NUP214: variants seen among roughly 807,000 people sequenced by gnomAD.
NUP214 encodes nucleoporin 214, also known as nuclear pore complex protein Nup214.
A neutral mutation model predicts 196.2 loss-of-function variants in NUP214; 79 were observed. That is an observed-to-expected ratio of 0.40 (90% CI 0.34 to 0.49). The LOEUF (loss-of-function observed/expected upper bound fraction) is 0.49. NUP214 is among the 20% of genes least tolerant of loss of function. NUP214 has a pLI of 0.58. For synonymous variants in NUP214, 1,020 were observed against 990.5 expected (o/e 1.03, Z -0.56); for missense variants, 2,468 against 2,539.0 (o/e 0.97, Z 0.60).
At chr9:131,187,449 C>CA in intron 25 of NUP214, 85 bp downstream of exon 25, 1 of 1,012,274 alleles carries the variant, frequency 9.9e-7, no homozygotes, top group Non-Finnish European at 1.4e-6. Flanking sequence ...TGCAGTGGTG[C>CA]GATCTTGGCT....
Position 131,128,314 on chromosome 9 carries a change from A to G in NUP214, c.242-18A>G. The G allele has an allele frequency of 3.1e-6, 5 of 1,601,796 alleles. No individual in the cohort carries two copies. The highest frequency in any genetic ancestry group is 4.3e-6 in the Non-Finnish European group (5 of 1,172,208). On this transcript the variant is annotated intron_variant, in intron 2 of 35. Coordinates refer to ENST00000359428, the MANE Select transcript of NUP214 (RefSeq NM_005085.4). ...TAGAACATACCGTTTTCTGCTTTGT[A>G]TTTTTTTGTTTTCATAGTTGATAAA... is the stretch of plus-strand genomic sequence containing the variant.
chr9:131,206,148 C>CTTTTATTTTTTTTTTTTT (rs1834076383), intron 30 of NUP214, among the ~76,000 whole-genome samples: 1 of 76,388 alleles, frequency 1.3e-5, no homozygotes, highest in Admixed American at 1.6e-4. Context: ...TTTCTTTTTT[C>CTTTTATTTTTTTTTTTTT]TTTTTTTTTT....
In NUP214 at chr9:131,232,289, A is replaced by G; in HGVS notation, c.6220A>G (p.Ser2074Gly). The G allele has an allele frequency of 6.2e-7, 1 of 1,614,210 alleles. No individual in the cohort carries two copies. The highest frequency in any genetic ancestry group is 8.5e-7 in the Non-Finnish European group (1 of 1,180,016). Residue 2074 changes from serine (S) to glycine (G), a missense_variant, in exon 35 of 36, where the codon AGC (serine) becomes GGC (glycine). Coordinates refer to ENST00000359428, the MANE Select transcript of NUP214 (RefSeq NM_005085.4). This position sits in a 1 kb window ranked among gnomAD's most constrained non-coding sequence, Gnocchi z 5.1. ...SGFGSGTGGF[S>G]FGSNNSSVQG... ...ACTCTTATTCTGCTTTTCAGGGTTC[A>G]GCTTTGGGTCAAATAACTCGTAAGT... is the stretch of plus-strand genomic sequence containing the variant.
At position 131,146,954 on chromosome 9, in the gene NUP214, A is replaced by G. The variant is rs920830977; in HGVS notation, c.1946-536A>G. On this transcript the variant is annotated intron_variant, in intron 13 of 35. Transcript: ENST00000359428. The surrounding 1 kb of genome is among the most constrained non-coding windows in gnomAD (Gnocchi z 4.6). The stretch of plus-strand genomic sequence containing the variant: ...AAAAAAAAAAAAAAGTACAGAGGAG[A>G]GAGTACCTGCAGTGATTATATTCAT... Among the ~76,000 whole-genome samples the G allele has an allele frequency of 1.0e-4, 15 of 150,692 alleles. No individual in the cohort carries two copies. Among genetic ancestry groups the G allele is most frequent in the Non-Finnish European group, 2.2e-4 (15 of 67,802 alleles).
intron 22 of NUP214, 129 bp downstream of exon 22, chr9:131,174,447 C>CTTTTTTTTTTTTTTTTTTTTTTT: frequency 3.1e-6 from 1 of 327,104 alleles, no homozygotes; most frequent in Non-Finnish European, 5.0e-6. Flanking sequence ...TTTTTTTTTT[C>CTTTTTTTTTTTTTTTTTTTTTTT]TTTTTTTCTT....
intron 30 of NUP214, among the ~76,000 whole-genome samples, chr9:131,209,249 A>G (rs1338399102): frequency 6.6e-6 from 1 of 151,842 alleles, no homozygotes; most frequent in Non-Finnish European, 1.5e-5. Context: ...GTGGCAGTGC[A>G]TGCCTGTAGT....
intron 9 of NUP214, 29 bp from the exon 10 acceptor site, chr9:131,139,252 C>CTTT: frequency 8.1e-7 from 1 of 1,235,920 alleles, no homozygotes; most frequent in South Asian, 1.6e-5. Context: ...TCTTCTTCTT[C>CTTT]TTCTTTTTTT....
At chr9:131,172,381 A>AC (rs1832985154) in intron 21 of NUP214, among the ~76,000 whole-genome samples, 1 of 152,134 alleles carries the variant, frequency 6.6e-6, no homozygotes, top group African/African-American at 2.4e-5. Context: ...CATGTCCTTC[A>AC]CCCACTTTTG....
intron 11 of NUP214, among the ~76,000 whole-genome samples, chr9:131,143,244 A>G (rs1831978922): frequency 6.6e-6 from 1 of 151,988 alleles, no homozygotes; most frequent in East Asian, 1.9e-4. Context: ...CCTGGACTCA[A>G]AGGGTCCTCC....
intron 14 of NUP214, among the ~76,000 whole-genome samples, chr9:131,149,131 T>G (rs1336427885): frequency 1.4e-5 from 2 of 143,908 alleles, no homozygotes; most frequent in African/African-American, 5.1e-5. Context: ...TTCCTTTCTG[T>G]GTCCCTCTAA....
intron 31 of NUP214, among the ~76,000 whole-genome samples, chr9:131,220,007 G>T (rs1009032990): frequency 1.1e-4 from 16 of 152,188 alleles, no homozygotes; most frequent in Non-Finnish European, 8.8e-5. Flanking sequence ...ATTGGGTCAG[G>T]CCCTGATGTT....
rs1359207215 is a variant in NUP214 at position 131,178,358 on chromosome 9, GT to G, written c.3368del (p.Val1123GlufsTer6). The G allele has an allele frequency of 6.2e-7, 1 of 1,613,962 alleles. No homozygotes were observed. The highest frequency in any genetic ancestry group is 1.3e-5 in the African/African-American group (1 of 74,908). On this transcript the variant is annotated frameshift_variant, in exon 24 of 36. Transcript: ENST00000359428. LOFTEE classifies it high-confidence loss of function. Reference sequence around the variant, plus strand: ...AACGTTGAAGAATGTCCCTCAAGTGGTAAATGTGCAGGAATTGAAGAATAAC... The same window carrying G: ...AACGTTGAAGAATGTCCCTCAAGTGGAAATGTGCAGGAATTGAAGAATAAC... ...ESTLKNVPQV[V>X]NVQELKNNPA...
intron 12 of NUP214, 79 bp downstream of exon 12, chr9:131,144,833 CTG>C: frequency 8.9e-7 from 1 of 1,127,726 alleles, no homozygotes; most frequent in Non-Finnish European, 1.3e-6. Context: ...TAGAGTCACT[CTG>C]AGAGGAGTTA....
At chr9:131,191,714 C>T (rs1328482861) in intron 26 of NUP214, 1 of 152,146 alleles carries the variant, frequency 6.6e-6, no homozygotes, top group East Asian at 1.9e-4. Flanking sequence ...AAGTAAACAG[C>T]CTTAAAGTCA....
intron 17 of NUP214, among the ~76,000 whole-genome samples, chr9:131,155,237 T>C (rs1196719140): frequency 3.9e-5 from 6 of 152,230 alleles, no homozygotes; most frequent in Non-Finnish European, 7.3e-5. Context: ...ATTTGCCTGA[T>C]AATTAGTGAT....
chr9:131,161,349 C>T lies in NUP214; in HGVS notation c.2541-1642C>T, dbSNP rs917101666. ...CTCGGCTCACTGCAACCTCCGCCTC[C>T]GGGGTTCAGGCGATTCTCCTGCCTC... On this transcript the variant is annotated intron_variant, in intron 18 of 35. Transcript: ENST00000359428. 3.3e-5 allele frequency among the ~76,000 whole-genome samples: 5 copies of T among 151,814 alleles called. 1 individual carries two copies. The highest frequency in any genetic ancestry group is 1.9e-4 in the East Asian group (1 of 5,160).
chr9:131,155,561 T>C (rs1205241409), intron 17 of NUP214, among the ~76,000 whole-genome samples: 1 of 152,232 alleles, frequency 6.6e-6, no homozygotes, highest in Non-Finnish European at 1.5e-5. Context: ...CCTAAGTCAA[T>C]GTCTGTAAGA....
intron 23 of NUP214, among the ~76,000 whole-genome samples, chr9:131,175,995 T>G (rs1833103531): frequency 6.6e-6 from 1 of 152,060 alleles, no homozygotes; most frequent in Non-Finnish European, 1.5e-5. Context: ...ATCTTACAGA[T>G]TGCAGCTACC....
At chr9:131,216,747 G>A (rs1034775092) in intron 31 of NUP214, among the ~76,000 whole-genome samples, 3 of 150,424 alleles carry the variant, frequency 2.0e-5, no homozygotes, top group Non-Finnish European at 4.4e-5. Context: ...GGCTGGTCTC[G>A]AACCCCTGAC....
Sources: allele counts gnomAD v4.1 joint callset (sites outside exome capture counted in the v4.1 genomes callset), GRCh38; gene constraint gnomAD v4.1.1; non-coding constraint Gnocchi (gnomAD v3.1); transcripts MANE v1.5; gene names NCBI Gene and HGNC (gene_info 2026-07-23, HGNC 2026-07-21).